LARP4B: variants seen among roughly 807,000 people sequenced by gnomAD.
The protein encoded by LARP4B is la-related protein 4B.
Under a neutral mutation model 89.8 loss-of-function variants are expected in LARP4B, and 12 were observed. That is an observed-to-expected ratio of 0.13 (90% CI 0.09 to 0.22). The LOEUF is 0.22. Among genes scored for constraint, LARP4B ranks in the 10% least tolerant of loss-of-function variants. The pLI, the probability that LARP4B is intolerant of heterozygous loss-of-function variation, is 1.00. For missense variants in LARP4B, 757 were observed against 947.7 expected (o/e 0.80, Z 2.64); for synonymous variants, 367 against 363.3 (o/e 1.01, Z -0.12).
chr10:863,827 G>T lies in LARP4B; in HGVS notation c.346C>A (p.Pro116Thr). The T allele has an allele frequency of 1.9e-6, 3 of 1,614,114 alleles. No individual in the cohort carries two copies. Among genetic ancestry groups the T allele is most frequent in the Non-Finnish European group, 2.5e-6 (3 of 1,180,026 alleles). ...QGHENAALPD[P>T]QESDPADMNA... is the part of the protein sequence containing the mutation. ...ATGTCTGCTGGGTCCGACTCCTGCG[G>T]GTCTGGCAATGCGGCATTCTCATGG... Residue 116 changes from proline to threonine, a missense_variant, in exon 5 of 18, where the codon CCG becomes ACG. This residue lies in a region of LARP4B where 175 missense variants were observed against 187.0 expected (regional missense o/e 0.94). Transcript: ENST00000316157.
intron 1 of LARP4B, among the ~76,000 whole-genome samples, chr10:922,662 G>T (rs576687649): frequency 1.3e-5 from 2 of 151,170 alleles, no homozygotes; most frequent in Admixed American, 1.3e-4. Context: ...GCAACAGAAC[G>T]AGACCCCGTC....
chr10:908,664 G>A lies in LARP4B; in HGVS notation c.-40+22764C>T, dbSNP rs542631325. 1.4e-4 allele frequency among the ~76,000 whole-genome samples: 21 copies of A among 152,330 alleles called. No homozygotes were observed. In the East Asian group the frequency reaches 1.9e-3, roughly 14 times the overall value. On this transcript the variant is annotated intron_variant, in intron 1 of 17. Transcript: ENST00000316157. Reference sequence around the variant, plus strand: ...CCCCGCACATTTCTTGGTGACCAGCGGTCACAGAATTCTTCTGGGTTGATT... The same window carrying A: ...CCCCGCACATTTCTTGGTGACCAGCAGTCACAGAATTCTTCTGGGTTGATT...
chr10:863,478 C>T (rs377499966), intron 5 of LARP4B, among the ~76,000 whole-genome samples: 1 of 152,132 alleles, frequency 6.6e-6, no homozygotes, highest in Non-Finnish European at 1.5e-5. Flanking sequence ...ATCTGCCCGC[C>T]TCGGCCTCCC....
intron 8 of LARP4B, among the ~76,000 whole-genome samples, chr10:836,081 A>G (rs937947828): frequency 2.0e-5 from 3 of 152,160 alleles, no homozygotes; most frequent in Non-Finnish European, 2.9e-5. Flanking sequence ...TTTTTATCAC[A>G]AAAGTGCTCT....
chr10:983,744 T>C, the LARP4B span, among the ~76,000 whole-genome samples: 3 of 152,158 alleles, frequency 2.0e-5, no homozygotes, highest in Non-Finnish European at 4.4e-5. Flanking sequence ...CTTTCACGTA[T>C]GAATTTGGGG....
intron 3 of LARP4B, among the ~76,000 whole-genome samples, chr10:864,894 A>C (rs1834819146): frequency 6.6e-6 from 1 of 152,220 alleles, no homozygotes; most frequent in African/African-American, 2.4e-5. Context: ...CGGGGGTTGC[A>C]GTAAGCTGAG....
At chr10:927,033 C>T (rs962467329) in intron 1 of LARP4B, among the ~76,000 whole-genome samples, 3 of 144,740 alleles carry the variant, frequency 2.1e-5, no homozygotes, top group Non-Finnish European at 3.0e-5. Flanking sequence ...GAACGAGACT[C>T]GGTCTCAAAA....
In LARP4B at chr10:931,625, C is replaced by T. The variant is rs1350604881; in HGVS notation, c.-237G>A. 1.3e-5 allele frequency: 2 copies of T among 155,354 alleles called. No homozygotes were observed. Among genetic ancestry groups the T allele is most frequent in the Admixed American group, 6.6e-5 (1 of 15,218 alleles). 9.6% of individuals were successfully genotyped at this position (155,354 alleles called of 1,614,324 possible). On this transcript the variant is annotated 5_prime_UTR_variant, in exon 1 of 18. Coordinates refer to ENST00000316157, the MANE Select transcript of LARP4B (RefSeq NM_015155.3). The stretch of plus-strand genomic sequence containing the variant: ...GGCGGCGGCGGCGGCGGATTCTTCC[C>T]CTTTCGGGCCCGAAAATGTCTCAAC...
intron 7 of LARP4B, among the ~76,000 whole-genome samples, chr10:841,210 AAC>A (rs1564397980): frequency 6.6e-6 from 1 of 152,190 alleles, no homozygotes; most frequent in Non-Finnish European, 1.5e-5. Flanking sequence ...GTAAGATGAG[AAC>A]TTTGCTCCTG....
intron 8 of LARP4B, among the ~76,000 whole-genome samples, chr10:832,863 A>G (rs1023296115): frequency 6.6e-6 from 1 of 152,252 alleles, no homozygotes. Flanking sequence ...TAAAGGAATG[A>G]GAAGGACTGT....
the LARP4B span, among the ~76,000 whole-genome samples, chr10:954,693 C>T: frequency 6.6e-6 from 1 of 152,118 alleles, no homozygotes; most frequent in Non-Finnish European, 1.5e-5. This position sits in a 1 kb window ranked among gnomAD's most constrained non-coding sequence, Gnocchi z 5.0. Flanking sequence ...ACCGGCCGGG[C>T]GCATTCGCTC....
At chr10:943,018 C>G in the LARP4B span, among the ~76,000 whole-genome samples, 1 of 150,682 alleles carries the variant, frequency 6.6e-6, no homozygotes, top group African/African-American at 2.4e-5. Context: ...ATGGTCTCGG[C>G]TCACTGCAGC....
chr10:884,941 C>A (rs1490356513), intron 2 of LARP4B, among the ~76,000 whole-genome samples: 14 of 152,130 alleles, frequency 9.2e-5, no homozygotes, highest in Admixed American at 9.2e-4. Context: ...GTATCTAGAG[C>A]TATAACAATT....
chr10:945,612 C>T, the LARP4B span, among the ~76,000 whole-genome samples: 110 of 151,086 alleles, frequency 7.3e-4, no homozygotes, highest in African/African-American at 2.2e-3. Context: ...GGGGTGAACC[C>T]GGGAGGCGGA....
At chr10:852,005 G>A (rs988209399) in intron 5 of LARP4B, among the ~76,000 whole-genome samples, 1 of 152,182 alleles carries the variant, frequency 6.6e-6, no homozygotes, top group Non-Finnish European at 1.5e-5. Flanking sequence ...GGTTGGGACT[G>A]AGTGAGCCAT....
the LARP4B span, among the ~76,000 whole-genome samples, chr10:982,915 T>G: frequency 6.6e-6 from 1 of 152,224 alleles, no homozygotes; most frequent in Non-Finnish European, 1.5e-5. Flanking sequence ...TCTTAAGAGT[T>G]TGGAATTCCT....
At chr10:987,978 C>T in the LARP4B span, 1 of 153,380 alleles carries the variant, frequency 6.5e-6, no homozygotes, top group African/African-American at 2.4e-5. Context: ...TGCTCCACAC[C>T]CAGAGGCTGG....
intron 8 of LARP4B, among the ~76,000 whole-genome samples, chr10:833,249 T>TAAAAAAAAAAAAAAAAA (rs56788542): frequency 1.3e-4 from 7 of 52,036 alleles, no homozygotes; most frequent in Non-Finnish European, 1.6e-4. Context: ...TGATGAGCTT[T>TAAAAAAAAAAAAAAAAA]AAAAAAAAAA....
intron 5 of LARP4B, among the ~76,000 whole-genome samples, chr10:853,080 T>C (rs1588911908): frequency 6.6e-6 from 1 of 152,338 alleles, no homozygotes; most frequent in Non-Finnish European, 1.5e-5. Context: ...TTTGTAGATA[T>C]TAACAACCTC....
Sources: allele counts gnomAD v4.1 joint callset (sites outside exome capture counted in the v4.1 genomes callset), GRCh38; gene constraint gnomAD v4.1.1; regional missense constraint gnomAD v4.1.1; non-coding constraint Gnocchi (gnomAD v3.1); transcripts MANE v1.5; gene names NCBI Gene and HGNC (gene_info 2026-07-23, HGNC 2026-07-21).